NCALD: variants seen among roughly 807,000 people sequenced by gnomAD.
The protein encoded by NCALD is neurocalcin delta.
NCALD carries 10 observed loss-of-function variants against 18.6 expected under a neutral mutation model. That is an observed-to-expected ratio of 0.54 (90% CI 0.33 to 0.91). NCALD has a LOEUF of 0.91. NCALD is among the 40% of genes least tolerant of loss of function. The probability of loss-of-function intolerance (pLI) is 0.03; values close to 1 mark genes in which losing one functional copy is unlikely to be tolerated. For synonymous variants in NCALD, 88 were observed against 87.4 expected (o/e 1.01, Z -0.04); for missense variants, 184 against 247.6 (o/e 0.74, Z 1.72).
intron 1 of NCALD, among the ~76,000 whole-genome samples, chr8:102,088,438 C>T (rs1051020920): frequency 2.6e-5 from 4 of 151,806 alleles, no homozygotes; most frequent in Non-Finnish European, 2.9e-5. Flanking sequence ...TTCAAAAGGA[C>T]GTTTTTAAAG....
intron 1 of NCALD, among the ~76,000 whole-genome samples, chr8:101,728,664 C>CA (rs979507371): frequency 3.3e-5 from 5 of 152,030 alleles, no homozygotes; most frequent in Non-Finnish European, 7.4e-5. Flanking sequence ...ACTAAAAATA[C>CA]AAAAAATTAG....
chr8:101,854,147 T>C (rs2131342166), intron 4 of NCALD, among the ~76,000 whole-genome samples: 1 of 152,152 alleles, frequency 6.6e-6, no homozygotes, highest in East Asian at 1.9e-4. Flanking sequence ...AAGGAGAGAG[T>C]ATTCCCTTAT....
intron 1 of NCALD, among the ~76,000 whole-genome samples, chr8:102,050,053 T>C (rs372744437): frequency 6.7e-6 from 1 of 148,944 alleles, no homozygotes; most frequent in East Asian, 2.0e-4. Flanking sequence ...TCCCAGCTGC[T>C]CGGGAGGCTG....
rs142548791 is a variant in NCALD at position 101,928,546 on chromosome 8, C to T, written c.-156-12688G>A. On this transcript the variant is annotated intron_variant, in intron 2 of 6. Transcript: ENST00000311028. ...TTCCATGATGCTGCCCTCAGGTACT[C>T]TGAAGTGCAAATACCTGCTCGCCTC... 2.1e-3 allele frequency among the ~76,000 whole-genome samples: 315 copies of T among 151,950 alleles called. 2 individuals are homozygous for T. Among genetic ancestry groups the T allele is most frequent in the African/African-American group, 7.1e-3 (293 of 41,410 alleles).
intron 2 of NCALD, among the ~76,000 whole-genome samples, chr8:101,922,499 G>A (rs183886402): frequency 1.3e-5 from 2 of 152,282 alleles, no homozygotes; most frequent in East Asian, 3.9e-4. Flanking sequence ...GAAAGAGCAG[G>A]AACATGTAGG....
intron 2 of NCALD, among the ~76,000 whole-genome samples, chr8:101,977,853 ATTAC>A (rs1374818126): frequency 9.2e-5 from 14 of 152,256 alleles, no homozygotes; most frequent in Admixed American, 2.6e-4. Flanking sequence ...CACTGGGCAT[ATTAC>A]TTACTTTCAT....
At chr8:101,899,496 T>C (rs73696556) in intron 3 of NCALD, among the ~76,000 whole-genome samples, 3,882 of 152,080 alleles carry the variant, frequency 0.026, 165 homozygotes, top group African/African-American at 0.088. Flanking sequence ...TCTTTTACTA[T>C]TAAGTACAAT....
intron 2 of NCALD, among the ~76,000 whole-genome samples, chr8:101,978,091 C>T (rs958636967): frequency 2.0e-5 from 3 of 151,706 alleles, no homozygotes; most frequent in Non-Finnish European, 4.4e-5. Flanking sequence ...ACCAGTGACC[C>T]GAATATAAAT....
At chr8:102,104,342 A>T (rs552875173) in intron 1 of NCALD, among the ~76,000 whole-genome samples, 29 of 152,126 alleles carry the variant, frequency 1.9e-4, no homozygotes, top group Non-Finnish European at 3.8e-4. Context: ...AACAGCTTAG[A>T]TTTCAAATAG....
At chr8:101,750,815 C>T (rs1441688173) in intron 1 of NCALD, 1 of 152,210 alleles carries the variant, frequency 6.6e-6, no homozygotes. Context: ...GATGAGCAGG[C>T]CTGCCTTCTC....
In NCALD at chr8:101,797,918, TA is replaced by T. The variant is rs942524495; in HGVS notation, c.-19-78271del. Among the ~76,000 whole-genome samples, 53 of 151,358 alleles carry T rather than the reference TA, an allele frequency of 3.5e-4. No homozygotes were observed. The East Asian group carries it at 7.9e-3, about 23-fold the overall frequency. On this transcript the variant is annotated intron_variant, in intron 4 of 6. Coordinates refer to the NCALD transcript ENST00000311028. Reference sequence around the variant, plus strand: ...AGAGCTTCTGAGACCCATGGGACTATAAAAAAAAATCTTTTATGTCTTCAAA... The same window carrying T: ...AGAGCTTCTGAGACCCATGGGACTATAAAAAAAATCTTTTATGTCTTCAAA...
intron 2 of NCALD, among the ~76,000 whole-genome samples, chr8:101,974,252 C>T (rs1377401940): frequency 6.6e-6 from 1 of 152,084 alleles, no homozygotes; most frequent in Non-Finnish European, 1.5e-5. Flanking sequence ...ACTTTTGCAC[C>T]AACCTAATAT....
At chr8:101,937,684 T>C (rs1279655021) in intron 2 of NCALD, among the ~76,000 whole-genome samples, 1 of 152,232 alleles carries the variant, frequency 6.6e-6, no homozygotes, top group East Asian at 1.9e-4. Context: ...TTTTCTCATT[T>C]CTTATTCATT....
At chr8:101,920,486 T>A (rs1818122553) in intron 2 of NCALD, among the ~76,000 whole-genome samples, 1 of 152,136 alleles carries the variant, frequency 6.6e-6, no homozygotes, top group Non-Finnish European at 1.5e-5. Flanking sequence ...TAGGTGCCCA[T>A]CAATGGTGAA....
chr8:101,967,270 C>T (rs537499008), intron 2 of NCALD, among the ~76,000 whole-genome samples: 13 of 152,274 alleles, frequency 8.5e-5, no homozygotes, highest in African/African-American at 3.1e-4. Flanking sequence ...TGCTGGACTC[C>T]ATTTCTCTTA....
At chr8:101,728,752 G>A (rs184974685) in intron 1 of NCALD, among the ~76,000 whole-genome samples, 4 of 152,270 alleles carry the variant, frequency 2.6e-5, no homozygotes, top group African/African-American at 7.2e-5. Flanking sequence ...CCAGGGAGTT[G>A]GAGGTTGCAG....
intron 1 of NCALD, among the ~76,000 whole-genome samples, chr8:102,043,019 AAG>A (rs2132184647): frequency 6.6e-6 from 1 of 151,992 alleles, no homozygotes; most frequent in East Asian, 1.9e-4. Flanking sequence ...GGAGAACATG[AAG>A]AAAGTAGCCA....
chr8:101,692,992 T>A, intron 2 of NCALD, 96 bp from the exon 3 acceptor site: 1 of 866,864 alleles, frequency 1.2e-6, no homozygotes. Context: ...GAAGGGAATG[T>A]CCCCATCCGC....
chr8:101,906,078 GTCAAGT>G (rs1817602001), intron 3 of NCALD, among the ~76,000 whole-genome samples: 1 of 152,210 alleles, frequency 6.6e-6, no homozygotes, highest in African/African-American at 2.4e-5. Context: ...TATGGGTGAT[GTCAAGT>G]TCATGTAAGT....
Sources: gnomAD v4.1 joint callset for allele counts (sites outside exome capture counted in the v4.1 genomes callset) on GRCh38, gnomAD v4.1.1 for gene constraint, MANE v1.5 for transcripts, NCBI Gene and HGNC (gene_info 2026-07-23, HGNC 2026-07-21) for gene names.